The following KCNIP4 variants were observed in gnomAD, a reference collection of about 807,000 sequenced individuals.
KCNIP4 encodes potassium voltage-gated channel interacting protein 4, also known as Kv channel-interacting protein 4.
A neutral mutation model predicts 34.0 loss-of-function variants in KCNIP4; 12 were observed. The observed-to-expected ratio is 0.35, with a 90% confidence interval of 0.23 to 0.57. The LOEUF (loss-of-function observed/expected upper bound fraction) is 0.57, where lower values mean the gene tolerates loss of function less well. Among genes scored for constraint, KCNIP4 ranks in the 20% least tolerant of loss-of-function variants. The pLI, the probability that KCNIP4 is intolerant of heterozygous loss-of-function variation, is 0.83. For missense variants in KCNIP4, 238 were observed against 311.7 expected (o/e 0.76, Z 1.78); for synonymous variants, 124 against 102.2 (o/e 1.21, Z -1.29).
rs1577949350 is a variant in KCNIP4 at position 21,242,151 on chromosome 4, G to A, written c.62-359442C>T. Among the ~76,000 whole-genome samples the A allele has an allele frequency of 7.0e-5, 7 of 100,112 alleles. No homozygotes were observed. In the South Asian group the frequency reaches 2.3e-3, roughly 33 times the overall value. 65.7% of individuals were successfully genotyped at this position (100,112 alleles called of 152,430 possible). A position where few individuals can be genotyped will look rare whatever the true frequency, so the allele number is the denominator to read the frequency against. On this transcript the variant is annotated intron_variant, in intron 1 of 8. Coordinates refer to ENST00000382152, the MANE Select transcript of KCNIP4 (RefSeq NM_025221.6). ...TGCACTCCATCCTGGGCGACAGAGC[G>A]AAATTCTGTCTCAAAAAAAAAAAAA... is the stretch of plus-strand genomic sequence containing the variant.
intron 1 of KCNIP4, among the ~76,000 whole-genome samples, chr4:21,166,992 G>A (rs1753680529): frequency 7.2e-6 from 1 of 139,562 alleles, no homozygotes; most frequent in African/African-American, 2.7e-5. Context: ...GGATGGATAA[G>A]CAAACTGTTG....
chr4:21,335,822 T>C (rs968857964), intron 1 of KCNIP4, among the ~76,000 whole-genome samples: 1 of 152,124 alleles, frequency 6.6e-6, no homozygotes, highest in South Asian at 2.1e-4. Flanking sequence ...TATTATGAAA[T>C]GTTTAGCTTG....
intron 1 of KCNIP4, among the ~76,000 whole-genome samples, chr4:21,040,203 C>A (rs563864357): frequency 6.6e-6 from 1 of 152,162 alleles, no homozygotes; most frequent in African/African-American, 2.4e-5. Flanking sequence ...CAAAGCCTAA[C>A]CATATCATGC....
At chr4:21,507,429 T>G (rs954655381) in intron 1 of KCNIP4, among the ~76,000 whole-genome samples, 1 of 151,970 alleles carries the variant, frequency 6.6e-6, no homozygotes, top group African/African-American at 2.4e-5. Flanking sequence ...CACGACCAGC[T>G]AATTTTTAGT....
At chr4:21,320,808 TA>T (rs1324883560) in intron 1 of KCNIP4, among the ~76,000 whole-genome samples, 2 of 151,776 alleles carry the variant, frequency 1.3e-5, no homozygotes, top group Non-Finnish European at 2.9e-5. Context: ...CCATCTCTAC[TA>T]AAAAGACAAA....
chr4:20,964,172 G>T (rs558474822), intron 1 of KCNIP4, among the ~76,000 whole-genome samples: 1 of 152,166 alleles, frequency 6.6e-6, no homozygotes, highest in African/African-American at 2.4e-5. Context: ...GTGAAAATTG[G>T]TTGCTGTTTT....
At chr4:21,643,851 AG>A (rs1407276367) in intron 1 of KCNIP4, among the ~76,000 whole-genome samples, 8 of 112,116 alleles carry the variant, frequency 7.1e-5, no homozygotes, top group Non-Finnish European at 5.8e-5. Context: ...GATAGATGAT[AG>A]ATAGGTGATG....
At position 21,072,481 on chromosome 4, in the gene KCNIP4, G is replaced by A. The variant is rs561437221; in HGVS notation, c.62-189772C>T. Among the ~76,000 whole-genome samples, 8 of 150,522 alleles carry A rather than the reference G, an allele frequency of 5.3e-5. No individual in the cohort carries two copies. The South Asian group carries it at 1.7e-3, about 31-fold the overall frequency. ...TGTTCATATCCTTCACCCTCTTTTT[G>A]ATGGGGTTTTTTTTTTCTTGTAAAA... is the stretch of plus-strand genomic sequence containing the variant. On this transcript the variant is annotated intron_variant, in intron 1 of 8. Coordinates refer to ENST00000382152, the MANE Select transcript of KCNIP4 (RefSeq NM_025221.6).
At chr4:21,208,858 T>C (rs1033831791) in intron 1 of KCNIP4, among the ~76,000 whole-genome samples, 6 of 151,892 alleles carry the variant, frequency 4.0e-5, no homozygotes, top group African/African-American at 1.2e-4. Flanking sequence ...AGCAAAGGGG[T>C]AGCAAGACAC....
intron 1 of KCNIP4, among the ~76,000 whole-genome samples, chr4:21,841,421 A>C (rs1161402231): frequency 6.6e-6 from 1 of 152,202 alleles, no homozygotes; most frequent in African/African-American, 2.4e-5. Flanking sequence ...TTTTATAAGA[A>C]TTTATCATGA....
chr4:20,965,953 A>G (rs1026921285), intron 1 of KCNIP4, among the ~76,000 whole-genome samples: 1 of 152,216 alleles, frequency 6.6e-6, no homozygotes, highest in Non-Finnish European at 1.5e-5. Flanking sequence ...CTTTAGCTAT[A>G]TAACCTCTGT....
At chr4:20,937,799 A>G (rs1048732868) in intron 1 of KCNIP4, among the ~76,000 whole-genome samples, 1 of 152,188 alleles carries the variant, frequency 6.6e-6, no homozygotes, top group Non-Finnish European at 1.5e-5. Context: ...CAGCCCAGCT[A>G]TAAGTCTGTC....
chr4:21,210,517 T>G (rs1042188149), intron 1 of KCNIP4, among the ~76,000 whole-genome samples: 12 of 152,210 alleles, frequency 7.9e-5, no homozygotes, highest in African/African-American at 2.9e-4. Context: ...ATTGTCCTTT[T>G]AAAGTTAAAT....
intron 1 of KCNIP4, among the ~76,000 whole-genome samples, chr4:21,700,125 C>T (rs747228813): frequency 6.6e-6 from 1 of 152,104 alleles, no homozygotes; most frequent in Non-Finnish European, 1.5e-5. Flanking sequence ...ATTGCTGGAT[C>T]GTATGATAAT....
At chr4:21,781,536 A>G (rs980212877) in intron 1 of KCNIP4, among the ~76,000 whole-genome samples, 2 of 152,192 alleles carry the variant, frequency 1.3e-5, no homozygotes, top group African/African-American at 4.8e-5. Flanking sequence ...AAGGAAAACT[A>G]AGAAAATTTG....
chr4:21,166,383 C>G lies in KCNIP4; in HGVS notation c.62-283674G>C, dbSNP rs978195853. ...GAGATACTGTTACACTCCTGGTAAA[C>G]TGACTAAGTTAATATTCTGATCATA... On this transcript the variant is annotated intron_variant, in intron 1 of 8. Coordinates refer to ENST00000382152, the MANE Select transcript of KCNIP4 (RefSeq NM_025221.6). Among the ~76,000 whole-genome samples the G allele has an allele frequency of 2.0e-5, 3 of 152,112 alleles. 1 individual carries two copies. The highest frequency in any genetic ancestry group is 4.1e-4 in the South Asian group (2 of 4,828).
chr4:20,860,896 C>T (rs1166094202), intron 2 of KCNIP4, among the ~76,000 whole-genome samples: 1 of 152,092 alleles, frequency 6.6e-6, no homozygotes. Flanking sequence ...GAAAAAGCTG[C>T]CTGGAGGAAG....
chr4:21,354,318 T>C (rs1718343035), intron 1 of KCNIP4, among the ~76,000 whole-genome samples: 1 of 152,112 alleles, frequency 6.6e-6, no homozygotes, highest in Non-Finnish European at 1.5e-5. Context: ...TAAATGTAAA[T>C]GGGCTAAATG....
chr4:21,801,591 T>A (rs1208999292), intron 1 of KCNIP4, among the ~76,000 whole-genome samples: 2 of 151,938 alleles, frequency 1.3e-5, no homozygotes, highest in East Asian at 3.9e-4. Context: ...TGAAGAATTT[T>A]ACTTATTTAT....
Sources: gnomAD v4.1 joint callset for allele counts (sites outside exome capture counted in the v4.1 genomes callset) on GRCh38, gnomAD v4.1.1 for gene constraint, MANE v1.5 for transcripts, NCBI Gene and HGNC (gene_info 2026-07-23, HGNC 2026-07-21) for gene names.